TMEM63B: variants seen among roughly 807,000 people sequenced by gnomAD.
TMEM63B encodes the protein mechanosensitive cation channel TMEM63B.
In TMEM63B, 23 loss-of-function variants were observed where a neutral mutation model predicts 102.6. That is an observed-to-expected ratio of 0.22 (90% confidence interval 0.16 to 0.32). The LOEUF (loss-of-function observed/expected upper bound fraction) is 0.32. Among genes scored for constraint, TMEM63B ranks in the 10% least tolerant of loss-of-function variants. The pLI is 1.00. For missense variants in TMEM63B, 628 were observed against 1,095.9 expected, an observed-to-expected ratio of 0.57 and a Z score of 6.03; for synonymous variants, 444 against 437.0, an observed-to-expected ratio of 1.02 and a Z score of -0.20.
chr6:44,137,689 G>T (rs1763252458), intron 5 of TMEM63B, among the ~76,000 whole-genome samples: 1 of 142,684 alleles, frequency 7.0e-6, no homozygotes, highest in Non-Finnish European at 1.6e-5. Flanking sequence ...GGAGGGGAGA[G>T]ATTTTTTTTT....
chr6:44,153,970 T>C lies in TMEM63B; in HGVS notation c.2111-103T>C, dbSNP rs550940108. ...GGCCTGGGAGAGGCTGGGGCCAGTC[T>C]GTAGCACCTGGGAGAGTGAGGACTG... On this transcript the variant is annotated intron_variant, in intron 21 of 23. Transcript: ENST00000323267. 3.0e-5 allele frequency: 47 copies of C among 1,555,222 alleles called. 1 individual carries two copies. The South Asian group carries it at 5.1e-4, about 17-fold the overall frequency.
rs770518745 is a variant in TMEM63B at position 44,154,731 on chromosome 6, G to A, written c.2347G>A (p.Gly783Arg). 7.6e-6 allele frequency: 12 copies of A among 1,582,714 alleles called. No individual in the cohort carries two copies. Among genetic ancestry groups the A allele is most frequent in the Middle Eastern group, 2.3e-4 (1 of 4,406 alleles). The stretch of plus-strand genomic sequence containing the variant: ...GGTGCTGCAGGACTCAGAGGTGGAC[G>A]GGGATGGGGATGGGGCTCCTGGGAG... The part of the protein sequence containing the change: ...AQVLQDSEVD[G>R]DGDGAPGSSG... The change falls in exon 24 of 24, where the codon GGG becomes AGG. Residue 783 changes from glycine (G) to arginine (R), a missense_variant. Gly to Arg is a moderately radical substitution (Grantham distance 125, BLOSUM62 -2). Coordinates refer to ENST00000323267, the MANE Select transcript of TMEM63B (RefSeq NM_018426.3).
Position 44,147,306 on chromosome 6 carries a change from G to A in TMEM63B, c.864-71G>A, listed in dbSNP as rs1226028522. Reference sequence around the variant, plus strand: ...AAGACAGCTCCTGTCCTTGGGGAGTGAGCTAGATGACCCCCAAGCTGAGCC... The same window carrying A: ...AAGACAGCTCCTGTCCTTGGGGAGTAAGCTAGATGACCCCCAAGCTGAGCC... On this transcript the variant is annotated intron_variant, in intron 11 of 23. Coordinates refer to ENST00000323267, the MANE Select transcript of TMEM63B (RefSeq NM_018426.3). 8.1e-6 allele frequency: 13 copies of A among 1,610,136 alleles called. No individual in the cohort carries two copies. In the East Asian group the frequency reaches 2.0e-4, roughly 25 times the overall value.
At chr6:44,153,644 T>C in intron 20 of TMEM63B, 32 bp from the exon 21 acceptor site, 1 of 1,600,838 alleles carries the variant, frequency 6.2e-7, no homozygotes, top group Non-Finnish European at 8.5e-7. Context: ...CAGCACTGGT[T>C]CCGAGGTCAG....
Position 44,154,949 on chromosome 6 carries a change from A to C in TMEM63B, c.*66A>C. 7.3e-7 allele frequency: 1 copy of C among 1,377,530 alleles called. No individual in the cohort carries two copies. The highest frequency in any genetic ancestry group is 9.7e-7 in the Non-Finnish European group (1 of 1,036,060). The allele number at this position is 1,377,530 out of a possible 1,614,324, so 85.3% of individuals were successfully genotyped here. On this transcript the variant is annotated 3_prime_UTR_variant, in exon 24 of 24. Coordinates refer to ENST00000323267, the MANE Select transcript of TMEM63B (RefSeq NM_018426.3). ...CACCCCCACTCCCACGGACACTAAA[A>C]CGCTAATAATTTATTAGATCTAAAG...
intron 5 of TMEM63B, 44 bp downstream of exon 5, chr6:44,136,483 C>T: frequency 1.5e-6 from 2 of 1,358,452 alleles, no homozygotes; most frequent in South Asian, 1.2e-5. Context: ...CACCCCACCC[C>T]CAGGGCACAT....
In TMEM63B at chr6:44,149,841, C is replaced by T; in HGVS notation, c.1414-18C>T. The T allele has an allele frequency of 6.3e-7, 1 of 1,598,226 alleles. No individual in the cohort carries two copies. The highest frequency in any genetic ancestry group is 2.3e-5 in the East Asian group (1 of 43,826). ...CCCTAGACTGCCCTGCCTGACGCCC[C>T]CCTGTGCCCTGCTGCAGAACCCCAT... On this transcript the variant is annotated intron_variant, in intron 15 of 23. Transcript: ENST00000323267.
At chr6:44,133,270 A>G (rs1302467518) in intron 1 of TMEM63B, among the ~76,000 whole-genome samples, 1 of 152,108 alleles carries the variant, frequency 6.6e-6, no homozygotes, top group Non-Finnish European at 1.5e-5. Context: ...CCTCCCCTCC[A>G]TCTGAGGGCT....
At position 44,135,089 on chromosome 6, in the gene TMEM63B, G is replaced by A; in HGVS notation, c.232G>A (p.Ala78Thr). The A allele has an allele frequency of 1.2e-6, 2 of 1,614,244 alleles. No homozygotes were observed. The highest frequency in any genetic ancestry group is 1.7e-6 in the Non-Finnish European group (2 of 1,180,026). ...TGGGCGGCTGGCCTTGGTGACAGAT[G>A]CAGACAGGTAAGGGTCTGGGACCCT... ...DYGRLALVTD[A>T]DRLRRQERDR... The change falls in exon 3 of 24, where the codon GCA becomes ACA. Residue 78 changes from alanine to threonine, a missense_variant. By Grantham distance (58) the Ala-to-Thr change is moderately conservative (BLOSUM62 0). Around this residue, in one of 6 missense-constraint regions of TMEM63B, gnomAD observed 336 missense variants for 580.3 expected, o/e 0.58. Transcript: ENST00000323267.
chr6:44,149,035 C>T, intron 15 of TMEM63B, 90 bp downstream of exon 15: 2 of 1,594,104 alleles, frequency 1.3e-6, no homozygotes, highest in Non-Finnish European at 8.5e-7. Context: ...CCAGCCCAGC[C>T]CGTTCTGCTT....
chr6:44,136,546 G>C (rs1374632138), intron 5 of TMEM63B, 107 bp downstream of exon 5: 4 of 796,872 alleles, frequency 5.0e-6, no homozygotes, highest in Non-Finnish European at 8.3e-6. Flanking sequence ...TGCTGGTTTG[G>C]CCTCCTCCTC....
At position 44,149,751 on chromosome 6, in the gene TMEM63B, C is replaced by T. The variant is rs1766193872; in HGVS notation, c.1414-108C>T. ...ATGTTCTGGGCTTCCAACATGGGAGCCCTGAGAGTTGTGAGGCCAAGGGCC... is the reference window on the plus strand; with the variant it reads ...ATGTTCTGGGCTTCCAACATGGGAGTCCTGAGAGTTGTGAGGCCAAGGGCC... On this transcript the variant is annotated intron_variant, in intron 15 of 23. Coordinates refer to ENST00000323267, the MANE Select transcript of TMEM63B (RefSeq NM_018426.3). 19 of 821,944 alleles carry T rather than the reference C, an allele frequency of 2.3e-5. 1 individual carries two copies. The South Asian group carries it at 3.2e-4, about 14-fold the overall frequency. 50.9% of individuals were successfully genotyped at this position (821,944 alleles called of 1,614,324 possible).
In TMEM63B at chr6:44,149,975, C is replaced by T. The variant is rs778348799; in HGVS notation, c.1520+10C>T. On this transcript the variant is annotated intron_variant, in intron 16 of 23. Coordinates refer to ENST00000323267, the MANE Select transcript of TMEM63B (RefSeq NM_018426.3). ...AAGCCCACTGGACACGGTAAGGTGC[C>T]TCCACTCACACCACACCTCGCTGTG... 2.2e-5 allele frequency: 36 copies of T among 1,610,182 alleles called. No individual in the cohort carries two copies. The highest frequency in any genetic ancestry group is 4.4e-5 in the South Asian group (4 of 90,404).
Position 44,148,163 on chromosome 6 carries a change from T to C in TMEM63B, c.988-89T>C, listed in dbSNP as rs1765822310. The C allele has an allele frequency of 1.3e-6, 2 of 1,555,098 alleles. No individual in the cohort carries two copies. The highest frequency in any genetic ancestry group is 1.7e-6 in the Non-Finnish European group (2 of 1,153,408). On this transcript the variant is annotated intron_variant, in intron 12 of 23. Transcript: ENST00000323267. This position sits in a 1 kb window ranked among gnomAD's most constrained non-coding sequence, Gnocchi z 5.1. ...GCTTAGAGGAGCAGTGCCTGGCTTG[T>C]AGGAAGCCCCAAGTCAGCGTGGGCT...
At chr6:44,133,207 C>G (rs1402402207) in intron 1 of TMEM63B, among the ~76,000 whole-genome samples, 1 of 152,126 alleles carries the variant, frequency 6.6e-6, no homozygotes, top group Non-Finnish European at 1.5e-5. Context: ...TCTTCCTAAT[C>G]CAGGCTTTGC....
intron 10 of TMEM63B, among the ~76,000 whole-genome samples, chr6:44,142,400 C>T (rs1247027412): frequency 2.0e-5 from 3 of 151,680 alleles, no homozygotes; most frequent in Non-Finnish European, 4.4e-5. Flanking sequence ...CATGGTGGCG[C>T]GTACCAGTAG....
chr6:44,145,652 C>T (rs2128249050), intron 10 of TMEM63B, among the ~76,000 whole-genome samples: 1 of 152,046 alleles, frequency 6.6e-6, no homozygotes, highest in Non-Finnish European at 1.5e-5. Flanking sequence ...AGAAACTATT[C>T]CCTCCAGCCA....
Position 44,146,837 on chromosome 6 carries a change from T to C in TMEM63B, c.783-10T>C. 6.2e-7 allele frequency: 1 copy of C among 1,613,776 alleles called. No individual in the cohort carries two copies. Among genetic ancestry groups the C allele is most frequent in the Non-Finnish European group, 8.5e-7 (1 of 1,179,798 alleles). On this transcript the variant is annotated splice_polypyrimidine_tract_variant and intron_variant, in intron 10 of 23. Transcript: ENST00000323267. ...TCCCTGCACAAGATGATACATGAAC[T>C]GTGTTTCAGGGAAGCCTACCCCAAC...
At position 44,153,906 on chromosome 6, in the gene TMEM63B, C is replaced by A. The variant is rs919737586; in HGVS notation, c.2110+63C>A. 6.9e-6 allele frequency: 11 copies of A among 1,585,208 alleles called. No individual in the cohort carries two copies. The Admixed American group carries it at 1.7e-4, about 25-fold the overall frequency. On this transcript the variant is annotated intron_variant, in intron 21 of 23. Coordinates refer to ENST00000323267, the MANE Select transcript of TMEM63B (RefSeq NM_018426.3). Reference sequence around the variant, plus strand: ...CAGAGTGGATTCCAGCCAGAGCAGGCCACAGGAGAAGCCGCATGGCTGGGG... The same window carrying A: ...CAGAGTGGATTCCAGCCAGAGCAGGACACAGGAGAAGCCGCATGGCTGGGG...
Sources: gnomAD v4.1 joint callset for allele counts (sites outside exome capture counted in the v4.1 genomes callset) on GRCh38, gnomAD v4.1.1 for gene constraint, gnomAD v4.1.1 regional missense constraint, Gnocchi (gnomAD v3.1) non-coding constraint, MANE v1.5 for transcripts, NCBI Gene and HGNC (gene_info 2026-07-23, HGNC 2026-07-21) for gene names.